The following TOMM40 variants were observed in gnomAD, a reference collection of about 807,000 sequenced individuals.
TOMM40 encodes translocase of outer mitochondrial membrane 40.
In TOMM40, 9 loss-of-function variants were observed where a neutral mutation model predicts 38.4. That is an observed-to-expected ratio of 0.23 (90% CI 0.14 to 0.41). The LOEUF (loss-of-function observed/expected upper bound fraction) is 0.41. Ranked by LOEUF, TOMM40 falls within the 10% of genes least tolerant of loss-of-function variation. The pLI, the probability that TOMM40 is intolerant of heterozygous loss-of-function variation, is 1.00. For missense variants in TOMM40, 299 were observed against 486.5 expected (o/e 0.61, Z 3.63); for synonymous variants, 184 against 210.0 (o/e 0.88, Z 1.07).
At chr19:44,898,584 T>A (rs1358717072) in intron 5 of TOMM40, among the ~76,000 whole-genome samples, 1 of 143,590 alleles carries the variant, frequency 7.0e-6, no homozygotes, top group Admixed American at 7.5e-5. Flanking sequence ...CAGGCTGGAG[T>A]GCAGTGGCAC....
chr19:44,901,330 T>TA lies in TOMM40; in HGVS notation c.946+21dup. The TA allele has an allele frequency of 6.2e-7, 1 of 1,608,162 alleles. No homozygotes were observed. Among genetic ancestry groups the TA allele is most frequent in the Non-Finnish European group, 8.5e-7 (1 of 1,177,114 alleles). The stretch of plus-strand genomic sequence containing the variant: ...TCAAAGGTAAAGGTCTCGGTTCCCC[T>TA]ACGCGGGAAACAGGCAGGAGGTGAC... On this transcript the variant is annotated intron_variant, in intron 8 of 8. Transcript: ENST00000426677.
rs773974653 is a variant in TOMM40, at chr19:44,901,363, T to TGAG, written c.946+54_946+56dup. 2.5e-6 allele frequency: 4 copies of TGAG among 1,573,858 alleles called. No homozygotes were observed. The African/African-American group carries it at 4.0e-5, about 16-fold the overall frequency. ...AAACAGGCAGGAGGTGACTCAACTCTGAGTGGATGTGTGGGCCACCACAGG... is the reference window on the plus strand; with the variant it reads ...AAACAGGCAGGAGGTGACTCAACTCTGAGGAGTGGATGTGTGGGCCACCACAGG... On this transcript the variant is annotated intron_variant, in intron 8 of 8. Transcript: ENST00000426677.
At chr19:44,898,364 C>T (rs1293626883) in intron 5 of TOMM40, among the ~76,000 whole-genome samples, 1 of 152,044 alleles carries the variant, frequency 6.6e-6, no homozygotes, top group African/African-American at 2.4e-5. Context: ...CCCTCAGTCT[C>T]GTGGCCCCCA....
chr19:44,898,013 G>A (rs143500700), intron 5 of TOMM40, among the ~76,000 whole-genome samples: 1 of 152,074 alleles, frequency 6.6e-6, no homozygotes, highest in Non-Finnish European at 1.5e-5. Context: ...TCGCTTGCCC[G>A]AGCCCATGGG....
intron 5 of TOMM40, among the ~76,000 whole-genome samples, chr19:44,898,525 C>CTTTTT (rs71173106): frequency 2.2e-3 from 193 of 89,006 alleles, no homozygotes; most frequent in Middle Eastern, 7.2e-3. Flanking sequence ...TTTTTTTTTT[C>CTTTTT]TTTTTTTTTT....
At chr19:44,895,364 C>G (rs2122753210) in intron 5 of TOMM40, among the ~76,000 whole-genome samples, 1 of 152,146 alleles carries the variant, frequency 6.6e-6, no homozygotes, top group East Asian at 1.9e-4. Context: ...AGGGCCATGG[C>G]AGAAAACCCA....
chr19:44,892,233 C>G (rs1969480253), intron 1 of TOMM40, among the ~76,000 whole-genome samples, 160 bp from the exon 2 acceptor site: 1 of 152,206 alleles, frequency 6.6e-6, no homozygotes, highest in Non-Finnish European at 1.5e-5. Flanking sequence ...AGCAAAGGCC[C>G]TGGCCCTGTC....
chr19:44,892,502 G>A (rs756458135), intron 2 of TOMM40, 42 bp downstream of exon 2: 28 of 1,581,014 alleles, frequency 1.8e-5, no homozygotes, highest in South Asian at 3.3e-5. Context: ...GATCGTCCCC[G>A]CCGTCCCCCT....
In TOMM40 at chr19:44,891,394, A is replaced by C; in HGVS notation, c.-22A>C. The stretch of plus-strand genomic sequence containing the variant: ...CGCGGGCCCTGACCTCTGCCCTCTG[A>C]CCTCTCCCCTAGCAGGCGACCATGG... On this transcript the variant is annotated 5_prime_UTR_variant, in exon 1 of 9. Transcript: ENST00000426677. The C allele has an allele frequency of 1.6e-6, 2 of 1,274,300 alleles. No individual in the cohort carries two copies. Among genetic ancestry groups the C allele is most frequent in the East Asian group, 3.1e-5 (1 of 32,004 alleles). The allele number at this position is 1,274,300 out of a possible 1,614,324, so 78.9% of individuals were successfully genotyped here. A position where few individuals can be genotyped will look rare whatever the true frequency, so the allele number is the denominator to read the frequency against.
intron 1 of TOMM40, 30 bp downstream of exon 1, chr19:44,891,719 C>G (rs755296037): frequency 1.4e-6 from 2 of 1,415,358 alleles, no homozygotes; most frequent in East Asian, 3.0e-5. Context: ...CGCTGGGCTG[C>G]GATGGCCTGG....
intron 5 of TOMM40, among the ~76,000 whole-genome samples, chr19:44,898,428 T>C (rs1447754890): frequency 3.9e-5 from 6 of 152,012 alleles, no homozygotes; most frequent in African/African-American, 1.4e-4. Flanking sequence ...CCCTAGGAGA[T>C]TGCTCGATCG....
rs1408725384 is a variant in TOMM40, at chr19:44,891,381, C to T, written c.-35C>T. The T allele has an allele frequency of 3.0e-5, 38 of 1,255,042 alleles. No individual in the cohort carries two copies. The highest frequency in any genetic ancestry group is 3.7e-5 in the Non-Finnish European group (37 of 1,000,738). 77.7% of individuals were successfully genotyped at this position (1,255,042 alleles called of 1,614,324 possible). A position where few individuals can be genotyped will look rare whatever the true frequency, so the allele number is the denominator to read the frequency against. ...TGAGTCGGGGGCGCGCGGGCCCTGA[C>T]CTCTGCCCTCTGACCTCTCCCCTAG... On this transcript the variant is annotated 5_prime_UTR_variant, in exon 1 of 9. Coordinates refer to ENST00000426677, the MANE Select transcript of TOMM40 (RefSeq NM_001128917.2).
intron 5 of TOMM40, among the ~76,000 whole-genome samples, chr19:44,898,682 T>C (rs1228945625): frequency 1.3e-5 from 2 of 151,256 alleles, no homozygotes; most frequent in South Asian, 2.1e-4. Context: ...GGACTACAGG[T>C]GTGCACCACC....
rs1969483267 is a variant in TOMM40 at position 44,892,404 on chromosome 19, A to G, written c.286A>G (p.Ile96Val). The change falls in exon 2 of 9, where the codon ATT (isoleucine) becomes GTT (valine). Residue 96 changes from isoleucine (I) to valine (V), a missense_variant. Physicochemically the swap from Ile to Val is conservative, Grantham distance 29 (BLOSUM62 3). Transcript: ENST00000426677. ...CHRKCKELFPIQMEGVKLTVN... is the reference protein window; with the variant it reads ...CHRKCKELFPVQMEGVKLTVN... ...TTTCTCTTCTCCAGAGCTGTTTCCC[A>G]TTCAGATGGAGGGTGTCAAGCTCAC... 3 of 1,613,750 alleles carry G rather than the reference A, an allele frequency of 1.9e-6. No homozygotes were observed. The highest frequency in any genetic ancestry group is 1.7e-6 in the Non-Finnish European group (2 of 1,180,022).
chr19:44,897,793 AGAG>A (rs1969595793), intron 5 of TOMM40, among the ~76,000 whole-genome samples: 1 of 117,714 alleles, frequency 8.5e-6, no homozygotes, highest in African/African-American at 3.2e-5. Flanking sequence ...AAAAAAAAAG[AGAG>A]AGAGAGGGAG....
intron 5 of TOMM40, among the ~76,000 whole-genome samples, chr19:44,898,087 G>C (rs931583035): frequency 6.6e-6 from 1 of 152,086 alleles, no homozygotes; most frequent in African/African-American, 2.4e-5. Flanking sequence ...CACTGGCCAT[G>C]AACTCACGGC....
chr19:44,896,885 T>C (rs907015966), intron 5 of TOMM40, among the ~76,000 whole-genome samples: 2 of 152,016 alleles, frequency 1.3e-5, no homozygotes, highest in African/African-American at 4.8e-5. Flanking sequence ...CAATACCCTG[T>C]CTCTACAAAA....
Position 44,901,054 on chromosome 19 carries a change from T to C in TOMM40, c.793T>C (p.Leu265=), listed in dbSNP as rs139662210. The change falls in exon 7 of 9, where the codon TTG becomes CTG. Residue 265 remains leucine, a synonymous_variant. Transcript: ENST00000426677. ...GAACAACTGGTTGGCAACGGTAACG[T>C]TGGGCCAGGCGGGCATGCACGCAAC... ...TLNNWLATVT[L]GQAGMHATYY... is the part of the protein sequence containing the mutation. 8.1e-6 allele frequency: 13 copies of C among 1,614,112 alleles called. No individual in the cohort carries two copies. In the African/African-American group the frequency reaches 9.3e-5, roughly 12 times the overall value.
At chr19:44,901,181 T>G in intron 7 of TOMM40, 27 bp from the exon 8 acceptor site, 1 of 1,613,918 alleles carries the variant, frequency 6.2e-7, no homozygotes, top group South Asian at 1.1e-5. Flanking sequence ...ACTTGCTAAT[T>G]CTCATGTGTT....
Sources: gnomAD v4.1 joint callset for allele counts (sites outside exome capture counted in the v4.1 genomes callset) on GRCh38, gnomAD v4.1.1 for gene constraint, MANE v1.5 for transcripts, NCBI Gene and HGNC (gene_info 2026-07-23, HGNC 2026-07-21) for gene names.